Variants in CALN1 observed in about 807,000 individuals in gnomAD.
The protein encoded by CALN1 is calcium-binding protein 8.
In CALN1, 17 loss-of-function variants were observed where a neutral mutation model predicts 30.6. The ratio of observed to expected loss-of-function variants is 0.56; its 90% confidence interval spans 0.38 to 0.83. CALN1 has a LOEUF of 0.83. Among genes scored for constraint, CALN1 ranks in the 40% least tolerant of loss-of-function variants. The pLI is 0.00. For synonymous variants in CALN1, 156 were observed against 131.4 expected (o/e 1.19, Z -1.28); for missense variants, 291 against 354.9 (o/e 0.82, Z 1.45).
intron 2 of CALN1, among the ~76,000 whole-genome samples, chr7:72,374,711 C>G (rs1000898357): frequency 1.3e-5 from 2 of 152,156 alleles, no homozygotes; most frequent in Non-Finnish European, 2.9e-5. Flanking sequence ...ATGGTATCCC[C>G]TTTCCAATTA....
At chr7:71,908,851 G>A (rs551948837) in intron 5 of CALN1, among the ~76,000 whole-genome samples, 2 of 152,320 alleles carry the variant, frequency 1.3e-5, no homozygotes, top group South Asian at 2.1e-4. Flanking sequence ...CATTGATTCA[G>A]GGCAAATCAG....
Position 71,781,578 on chromosome 7 carries a change from C to T in CALN1, c.*6197G>A, listed in dbSNP as rs564420318. The T allele has an allele frequency of 2.6e-5, 4 of 152,318 alleles. No homozygotes were observed. Among genetic ancestry groups the T allele is most frequent in the African/African-American group, 9.6e-5 (4 of 41,558 alleles). The allele number at this position is 152,318 out of a possible 1,614,324, so 9.4% of individuals were successfully genotyped here. On this transcript the variant is annotated 3_prime_UTR_variant, in exon 7 of 7. Coordinates refer to ENST00000395275, the MANE Select transcript of CALN1 (RefSeq NM_031468.4). Reference sequence around the variant, plus strand: ...GCCCTTTAAGAACTTTCTTTGTCTCCCTCAGGTCCAGGGATGGAGCAATAT... The same window carrying T: ...GCCCTTTAAGAACTTTCTTTGTCTCTCTCAGGTCCAGGGATGGAGCAATAT...
intron 3 of CALN1, among the ~76,000 whole-genome samples, chr7:72,220,649 A>G (rs368997065): frequency 1.3e-5 from 2 of 152,196 alleles, no homozygotes; most frequent in Non-Finnish European, 2.9e-5. Flanking sequence ...ACCAGTTTAC[A>G]GTCCCACCAA....
chr7:71,911,156 G>C (rs935509336), intron 5 of CALN1, among the ~76,000 whole-genome samples: 1 of 152,144 alleles, frequency 6.6e-6, no homozygotes, highest in Non-Finnish European at 1.5e-5. Flanking sequence ...TTTTGGGATT[G>C]CTGAAACAAG....
chr7:71,887,480 A>G (rs1387339235), intron 5 of CALN1, among the ~76,000 whole-genome samples: 2 of 152,080 alleles, frequency 1.3e-5, no homozygotes, highest in Non-Finnish European at 2.9e-5. Flanking sequence ...TTTTTAGTAG[A>G]GACGGGGTTT....
At chr7:72,492,584 T>A in the CALN1 span, among the ~76,000 whole-genome samples, 2 of 152,252 alleles carry the variant, frequency 1.3e-5, no homozygotes, top group Admixed American at 1.3e-4. Flanking sequence ...AGTCACAAGC[T>A]GTCACAGACC....
intron 5 of CALN1, among the ~76,000 whole-genome samples, chr7:71,839,019 A>T (rs1200795752): frequency 5.9e-5 from 9 of 152,122 alleles, no homozygotes; most frequent in African/African-American, 1.9e-4. Flanking sequence ...CATGTTGCTC[A>T]GGCTGGTCTC....
the CALN1 span, among the ~76,000 whole-genome samples, chr7:72,485,825 C>T: frequency 4.6e-5 from 7 of 151,932 alleles, no homozygotes; most frequent in Admixed American, 2.0e-4. Context: ...GAGGTGAGAT[C>T]GCACCACTGC....
chr7:72,092,625 T>TAAA (rs369445548), intron 4 of CALN1, among the ~76,000 whole-genome samples: 94 of 106,220 alleles, frequency 8.8e-4, no homozygotes, highest in African/African-American at 3.2e-3. Flanking sequence ...TGTATTCTAG[T>TAAA]AAAAAAAAAA....
intron 6 of CALN1, among the ~76,000 whole-genome samples, chr7:71,809,014 G>C (rs1381780226): frequency 6.6e-6 from 1 of 152,132 alleles, no homozygotes; most frequent in East Asian, 1.9e-4. Context: ...TACAGTCATT[G>C]ATGCTATCAC....
chr7:72,089,725 T>A lies in CALN1; in HGVS notation c.388+16426A>T, dbSNP rs775110642. ...AAAAGCATTTAAAGAACATTTGCACTGATAAAAGGTGAAATCCACTATGAG... is the reference window on the plus strand; with the variant it reads ...AAAAGCATTTAAAGAACATTTGCACAGATAAAAGGTGAAATCCACTATGAG... On this transcript the variant is annotated intron_variant, in intron 4 of 6. Coordinates refer to ENST00000395275, the MANE Select transcript of CALN1 (RefSeq NM_031468.4). 1.1e-4 allele frequency among the ~76,000 whole-genome samples: 16 copies of A among 152,286 alleles called. 1 individual carries two copies. The South Asian group carries it at 1.5e-3, about 14-fold the overall frequency.
intron 3 of CALN1, among the ~76,000 whole-genome samples, chr7:72,138,679 G>A (rs976916881): frequency 2.0e-5 from 3 of 152,128 alleles, no homozygotes; most frequent in Admixed American, 6.5e-5. Flanking sequence ...ATTTGTTTAC[G>A]GGAAGAAAAG....
At chr7:72,269,695 C>A (rs1796844497) in intron 3 of CALN1, among the ~76,000 whole-genome samples, 1 of 152,118 alleles carries the variant, frequency 6.6e-6, no homozygotes, top group Non-Finnish European at 1.5e-5. Flanking sequence ...AATTGAATTA[C>A]CTACTAGAAC....
chr7:71,793,032 C>T (rs555051613), intron 6 of CALN1, among the ~76,000 whole-genome samples: 1 of 151,992 alleles, frequency 6.6e-6, no homozygotes, highest in African/African-American at 2.4e-5. Flanking sequence ...GAGCCGGGTG[C>T]GGTGGCTCAC....
intron 3 of CALN1, among the ~76,000 whole-genome samples, chr7:72,210,905 A>T (rs555814557): frequency 1.3e-5 from 2 of 151,878 alleles, no homozygotes; most frequent in East Asian, 1.9e-4. Context: ...TTAAAAAAAA[A>T]ATTAGCTGGG....
At chr7:72,279,737 C>T (rs754865355) in intron 2 of CALN1, among the ~76,000 whole-genome samples, 1 of 152,222 alleles carries the variant, frequency 6.6e-6, no homozygotes, top group Non-Finnish European at 1.5e-5. Context: ...TTCTCCAAAG[C>T]AGAAAGAGCA....
intron 3 of CALN1, among the ~76,000 whole-genome samples, chr7:72,260,693 T>C (rs67041541): frequency 0.36 from 54,310 of 151,774 alleles, 10,666 homozygotes; most frequent in Middle Eastern, 0.55. Flanking sequence ...GGCTAAGCCA[T>C]TGCACTTGGC....
chr7:72,245,488 G>A (rs1372265084), intron 3 of CALN1, among the ~76,000 whole-genome samples: 2 of 151,638 alleles, frequency 1.3e-5, no homozygotes, highest in South Asian at 2.1e-4. Flanking sequence ...GCATGGTGGT[G>A]GGCACCTGTA....
intron 2 of CALN1, among the ~76,000 whole-genome samples, chr7:72,311,790 G>A (rs544519867): frequency 1.2e-4 from 18 of 149,244 alleles, no homozygotes; most frequent in East Asian, 8.1e-4. Context: ...AGCCACCACC[G>A]CGCCTGGCCA....
Sources: allele counts gnomAD v4.1 joint callset (sites outside exome capture counted in the v4.1 genomes callset), GRCh38; gene constraint gnomAD v4.1.1; transcripts MANE v1.5; gene names NCBI Gene and HGNC (gene_info 2026-07-23, HGNC 2026-07-21).